KLHL29: variants seen among roughly 807,000 people sequenced by gnomAD.
KLHL29 encodes the protein kelch-like protein 29.
In KLHL29, 21 loss-of-function variants were observed where a neutral mutation model predicts 80.4. The ratio of observed to expected loss-of-function variants is 0.26; its 90% CI spans 0.19 to 0.38. The LOEUF (loss-of-function observed/expected upper bound fraction) is 0.38, where lower values mean the gene tolerates loss of function less well. KLHL29 is among the 10% of genes least tolerant of loss of function. The pLI is 1.00. For missense variants in KLHL29, 867 were observed against 1,223.9 expected, an observed-to-expected ratio of 0.71 and a Z score of 4.35; for synonymous variants, 511 against 526.8, an observed-to-expected ratio of 0.97 and a Z score of 0.41.
intron 2 of KLHL29, among the ~76,000 whole-genome samples, chr2:23,549,767 G>T (rs747863318): frequency 6.6e-6 from 1 of 152,218 alleles, no homozygotes; most frequent in African/African-American, 2.4e-5. Context: ...CAAAGTCAAG[G>T]CCCCGGAGAT....
chr2:23,576,536 G>C (rs1376543965), intron 3 of KLHL29, among the ~76,000 whole-genome samples: 1 of 152,142 alleles, frequency 6.6e-6, no homozygotes, highest in Admixed American at 6.5e-5. Flanking sequence ...ACCACATCGG[G>C]TTCCTTGTAA....
At chr2:23,592,663 C>T (rs566554258) in intron 3 of KLHL29, among the ~76,000 whole-genome samples, 3 of 152,326 alleles carry the variant, frequency 2.0e-5, no homozygotes, top group East Asian at 3.9e-4. Flanking sequence ...CCATAGTAGA[C>T]CTGACAGGGA....
In KLHL29 at chr2:23,454,793, A is replaced by ATT. The variant is rs11395788; in HGVS notation, c.-153-20759_-153-20758dup. Among the ~76,000 whole-genome samples the ATT allele has an allele frequency of 7.0e-4, 106 of 150,762 alleles. No individual in the cohort carries two copies. The East Asian group carries it at 0.014, about 20-fold the overall frequency. On this transcript the variant is annotated intron_variant, in intron 1 of 13. Transcript: ENST00000486442. ...CCTTGCCCAGATCTCTTCCTCAATG[A>ATT]TTTTTTTTTAAATTTTGTACAACAA... is the stretch of plus-strand genomic sequence containing the variant.
intron 5 of KLHL29, among the ~76,000 whole-genome samples, chr2:23,658,302 T>C (rs1454624308): frequency 6.6e-6 from 1 of 152,052 alleles, no homozygotes; most frequent in Non-Finnish European, 1.5e-5. Flanking sequence ...GAAAACCCCC[T>C]GAGCCCTGGA....
At position 23,682,209 on chromosome 2, in the gene KLHL29, C is replaced by T. The variant is rs973680757; in HGVS notation, c.941-2190C>T. On this transcript the variant is annotated intron_variant, in intron 5 of 13. Coordinates refer to ENST00000486442, the MANE Select transcript of KLHL29 (RefSeq NM_052920.2). This position sits in a 1 kb window ranked among gnomAD's most constrained non-coding sequence, Gnocchi z 4.1. Reference sequence around the variant, plus strand: ...CTGTGTAATTCCGGCCTTCTCACCTCTCCCTCGGAAAGACCGTCACCATCA... The same window carrying T: ...CTGTGTAATTCCGGCCTTCTCACCTTTCCCTCGGAAAGACCGTCACCATCA... 1.3e-5 allele frequency among the ~76,000 whole-genome samples: 2 copies of T among 152,214 alleles called. No individual in the cohort carries two copies. Among genetic ancestry groups the T allele is most frequent in the Non-Finnish European group, 2.9e-5 (2 of 68,042 alleles).
intron 3 of KLHL29, among the ~76,000 whole-genome samples, chr2:23,615,054 C>T (rs981383153): frequency 3.3e-5 from 5 of 152,208 alleles, no homozygotes; most frequent in African/African-American, 7.2e-5. Flanking sequence ...CTAGAACCTG[C>T]GCTTCCTTTC....
intron 2 of KLHL29, among the ~76,000 whole-genome samples, chr2:23,488,990 G>A (rs1665012938): frequency 6.6e-6 from 1 of 152,198 alleles, no homozygotes; most frequent in Non-Finnish European, 1.5e-5. Flanking sequence ...GGCTACTACA[G>A]CCCATCAGGA....
chr2:23,403,445 T>A (rs1030519273), intron 1 of KLHL29, among the ~76,000 whole-genome samples: 1 of 152,216 alleles, frequency 6.6e-6, no homozygotes, highest in African/African-American at 2.4e-5. Context: ...CAGGATTCTC[T>A]TCCATGCTGG....
chr2:23,625,447 C>T (rs903814058), intron 3 of KLHL29, among the ~76,000 whole-genome samples: 1 of 152,170 alleles, frequency 6.6e-6, no homozygotes, highest in Admixed American at 6.5e-5. Context: ...TACAACAAGC[C>T]TTTCAACAGC....
At chr2:23,482,306 G>T (rs1029066309) in intron 2 of KLHL29, among the ~76,000 whole-genome samples, 1 of 152,146 alleles carries the variant, frequency 6.6e-6, no homozygotes, top group Non-Finnish European at 1.5e-5. Context: ...TTATTTTTAC[G>T]GCAAAATTTG....
intron 5 of KLHL29, among the ~76,000 whole-genome samples, chr2:23,664,077 TTTTATGCCCATAA>T (rs1670491858): frequency 6.6e-6 from 1 of 152,210 alleles, no homozygotes; most frequent in South Asian, 2.1e-4. Flanking sequence ...TGCGGGACAT[TTTTATGCCCATAA>T]TAAAACATTG....
intron 1 of KLHL29, among the ~76,000 whole-genome samples, chr2:23,431,576 T>G (rs566554809): frequency 2.0e-4 from 30 of 151,262 alleles, no homozygotes; most frequent in Admixed American, 1.8e-3. Context: ...TCATTTCAAT[T>G]TCATTCTTTT....
At position 23,706,809 on chromosome 2, in the gene KLHL29, C is replaced by T; in HGVS notation, c.*145C>T. ...CGCTCAACATGTTGAATATTCTCTA[C>T]ATTGAATGTAGAAAATCATCCTCGC... On this transcript the variant is annotated 3_prime_UTR_variant, in exon 14 of 14. Transcript: ENST00000486442. The T allele has an allele frequency of 1.7e-6, 1 of 581,896 alleles. No individual in the cohort carries two copies. Among genetic ancestry groups the T allele is most frequent in the Non-Finnish European group, 2.8e-6 (1 of 352,344 alleles). The allele number at this position is 581,896 out of a possible 1,614,324, so 36.0% of individuals were successfully genotyped here.
chr2:23,425,458 G>C (rs932810638), intron 1 of KLHL29, among the ~76,000 whole-genome samples: 1 of 152,136 alleles, frequency 6.6e-6, no homozygotes, highest in Non-Finnish European at 1.5e-5. Flanking sequence ...GCCAGACCAG[G>C]GTCCCATAGC....
rs749307038 is a variant in KLHL29 at position 23,503,836 on chromosome 2, C to T, written c.-46+28169C>T. On this transcript the variant is annotated intron_variant, in intron 2 of 13. Coordinates refer to ENST00000486442, the MANE Select transcript of KLHL29 (RefSeq NM_052920.2). This position sits in a 1 kb window ranked among gnomAD's most constrained non-coding sequence, Gnocchi z 4.0. ...GTCCACACAGTCCTGCACACATTGC[C>T]GTCTTTGTTTAAAGAGAGGCGGAGG... 1.3e-5 allele frequency among the ~76,000 whole-genome samples: 2 copies of T among 152,194 alleles called. No individual in the cohort carries two copies. Among genetic ancestry groups the T allele is most frequent in the Non-Finnish European group, 2.9e-5 (2 of 68,038 alleles).
At chr2:23,480,463 C>A (rs1480852560) in intron 2 of KLHL29, among the ~76,000 whole-genome samples, 1 of 150,996 alleles carries the variant, frequency 6.6e-6, no homozygotes, top group African/African-American at 2.4e-5. Flanking sequence ...CCACTCCACC[C>A]TAGGTGACAG....
chr2:23,487,309 T>C (rs2103445871), intron 2 of KLHL29, among the ~76,000 whole-genome samples: 1 of 152,300 alleles, frequency 6.6e-6, no homozygotes, highest in East Asian at 1.9e-4. Flanking sequence ...TAGTGGTGTT[T>C]GGAGGCCAAA....
At chr2:23,563,424 G>A (rs4665227) in intron 3 of KLHL29, among the ~76,000 whole-genome samples, 108,892 of 152,208 alleles carry the variant, frequency 0.72, 40,054 homozygotes, top group East Asian at 1. Context: ...CTGGCCATTC[G>A]GAGCTGCCTC....
intron 3 of KLHL29, among the ~76,000 whole-genome samples, chr2:23,567,603 G>C (rs1177193956): frequency 6.6e-6 from 1 of 152,194 alleles, no homozygotes; most frequent in Admixed American, 6.5e-5. Context: ...GCTCCCCTTG[G>C]GGGAGATGAT....
Sources: allele counts gnomAD v4.1 joint callset (sites outside exome capture counted in the v4.1 genomes callset), GRCh38; gene constraint gnomAD v4.1.1; non-coding constraint Gnocchi (gnomAD v3.1); transcripts MANE v1.5; gene names NCBI Gene and HGNC (gene_info 2026-07-23, HGNC 2026-07-21).